Variants in MAP3K21 observed in about 807,000 individuals in gnomAD.
MAP3K21 encodes mitogen-activated protein kinase kinase kinase MLK4.
A neutral mutation model predicts 86.1 loss-of-function variants in MAP3K21; 63 were observed. The ratio of observed to expected loss-of-function variants is 0.73; its 90% CI spans 0.60 to 0.90. The LOEUF is 0.90. Among genes scored for constraint, MAP3K21 ranks in the 40% least tolerant of loss-of-function variants. The pLI, the probability that MAP3K21 is intolerant of heterozygous loss-of-function variation, is 0.00. For synonymous variants in MAP3K21, 558 were observed against 564.8 expected (o/e 0.99, Z 0.17); for missense variants, 1,220 against 1,367.7 (o/e 0.89, Z 1.70).
chr1:233,380,047 T>C (rs538870463), intron 9 of MAP3K21, among the ~76,000 whole-genome samples: 1 of 152,216 alleles, frequency 6.6e-6, no homozygotes, highest in Non-Finnish European at 1.5e-5. Context: ...GGGCTGGAAC[T>C]GAAACTGGCC....
intron 5 of MAP3K21, among the ~76,000 whole-genome samples, chr1:233,368,526 A>G (rs149638191): frequency 5.5e-4 from 83 of 149,926 alleles, no homozygotes; most frequent in Non-Finnish European, 1.0e-3. Context: ...ATAGTGGTGC[A>G]TGCCTGTAGT....
chr1:233,379,310 C>T lies in MAP3K21; in HGVS notation c.2304C>T (p.Ser768=). The T allele has an allele frequency of 6.2e-7, 1 of 1,614,182 alleles. No homozygotes were observed. Among genetic ancestry groups the T allele is most frequent in the African/African-American group, 1.3e-5 (1 of 75,038 alleles). ...KKREGIFQRA[S]KSRRSASPPT... ...GAGAGGGAATCTTCCAGCGGGCTTC[C>T]AAGTCCCGCAGAAGCGCCAGTCCTC... Residue 768 remains serine (S), a synonymous_variant, in exon 9 of 10, where the codon TCC becomes TCT. Coordinates refer to ENST00000366624, the MANE Select transcript of MAP3K21 (RefSeq NM_032435.3).
At chr1:233,329,378 G>C (rs1044949870) in intron 1 of MAP3K21, among the ~76,000 whole-genome samples, 1 of 152,194 alleles carries the variant, frequency 6.6e-6, no homozygotes, top group Admixed American at 6.5e-5. Context: ...TATGGGCCAG[G>C]CGCGGTGGCT....
chr1:233,339,384 CT>C lies in MAP3K21; in HGVS notation c.806-7056del, dbSNP rs1662989743. ...CCTTCTCCTCCTTCTCCTTCTTCTCCTTCTTCTCCTCCTTCTCCTCCTCCTC... is the reference window on the plus strand; with the variant it reads ...CCTTCTCCTCCTTCTCCTTCTTCTCCTCTTCTCCTCCTTCTCCTCCTCCTC... On this transcript the variant is annotated intron_variant, in intron 1 of 9. Coordinates refer to ENST00000366624, the MANE Select transcript of MAP3K21 (RefSeq NM_032435.3). Among the ~76,000 whole-genome samples the C allele has an allele frequency of 9.0e-5, 10 of 110,524 alleles. 1 individual carries two copies. Among genetic ancestry groups the C allele is most frequent in the Non-Finnish European group, 1.2e-4 (7 of 56,912 alleles). 72.5% of individuals were successfully genotyped at this position (110,524 alleles called of 152,430 possible).
At position 233,346,474 on chromosome 1, in the gene MAP3K21, A is replaced by G; in HGVS notation, c.838A>G (p.Ile280Val). 1 of 1,613,032 alleles carries G rather than the reference A, an allele frequency of 6.2e-7. No individual in the cohort carries two copies. The highest frequency in any genetic ancestry group is 8.5e-7 in the Non-Finnish European group (1 of 1,179,372). ...LLLEKIEHDD[I>V]CNKTLKITDF... ...ACTTGAGAAGATAGAACATGATGAC[A>G]TCTGCAATAAAACTTTGAAGATTAC... is the stretch of plus-strand genomic sequence containing the variant. Residue 280 changes from isoleucine to valine, a missense_variant, in exon 2 of 10, where the codon ATC (isoleucine) becomes GTC (valine). Physicochemically the swap from Ile to Val is conservative, Grantham distance 29. Transcript: ENST00000366624.
chr1:233,350,444 AG>A (rs1287700739), intron 2 of MAP3K21, among the ~76,000 whole-genome samples: 2 of 152,180 alleles, frequency 1.3e-5, no homozygotes, highest in African/African-American at 4.8e-5. Flanking sequence ...AAAGCAGGGC[AG>A]GTCATCTCTT....
intron 1 of MAP3K21, among the ~76,000 whole-genome samples, chr1:233,336,532 T>C (rs1351043137): frequency 1.6e-5 from 2 of 125,196 alleles, no homozygotes; most frequent in Non-Finnish European, 1.6e-5. Context: ...CAGAGCCAGA[T>C]GCCGTCAAAT....
At chr1:233,376,094 A>C (rs555861371) in intron 7 of MAP3K21, 28 bp downstream of exon 7, 1 of 1,563,118 alleles carries the variant, frequency 6.4e-7, no homozygotes, top group Non-Finnish European at 8.6e-7. Flanking sequence ...GGTGGTATTC[A>C]TTGTGTAATA....
intron 1 of MAP3K21, among the ~76,000 whole-genome samples, chr1:233,338,244 T>C (rs1263672614): frequency 6.6e-6 from 1 of 152,218 alleles, no homozygotes; most frequent in East Asian, 1.9e-4. Context: ...ATCACATCTG[T>C]TTTTTCTTTA....
intron 4 of MAP3K21, among the ~76,000 whole-genome samples, chr1:233,359,879 A>C (rs1338287060): frequency 3.9e-5 from 6 of 152,234 alleles, no homozygotes; most frequent in African/African-American, 1.4e-4. Flanking sequence ...GAATGTGTTC[A>C]AATTTATTCA....
chr1:233,339,867 A>T (rs1663005517), intron 1 of MAP3K21, among the ~76,000 whole-genome samples: 1 of 152,274 alleles, frequency 6.6e-6, no homozygotes, highest in Non-Finnish European at 1.5e-5. Context: ...TTAGCAGCTG[A>T]CTTAACATGA....
Position 233,379,414 on chromosome 1 carries a change from C to G in MAP3K21, c.2408C>G (p.Ser803Cys). ...LPLSSALGIL[S>C]TPSFSTKCLL... ...CTGTCAAGTGCCCTGGGCATCCTCT[C>G]CACACCTTCTTTCTCCACAAAGTGC... Residue 803 changes from serine to cysteine, a missense_variant, in exon 9 of 10, where the codon TCC becomes TGC. By Grantham distance (112) the Ser-to-Cys change is moderately radical. This residue lies in a region of MAP3K21 where 632 missense variants were observed against 691.3 expected (regional missense o/e 0.91). Transcript: ENST00000366624. 1 of 1,614,238 alleles carries G rather than the reference C, an allele frequency of 6.2e-7. No homozygotes were observed. Among genetic ancestry groups the G allele is most frequent in the Non-Finnish European group, 8.5e-7 (1 of 1,180,042 alleles).
At chr1:233,356,088 C>T (rs1480403184) in intron 4 of MAP3K21, among the ~76,000 whole-genome samples, 2 of 152,148 alleles carry the variant, frequency 1.3e-5, no homozygotes, top group Non-Finnish European at 2.9e-5. Flanking sequence ...GCTGAGGATC[C>T]TGTTTCCTCC....
intron 4 of MAP3K21, among the ~76,000 whole-genome samples, chr1:233,359,127 T>G (rs1663422192): frequency 6.6e-6 from 1 of 152,208 alleles, no homozygotes; most frequent in African/African-American, 2.4e-5. Flanking sequence ...TTTAACGTAT[T>G]TTAATTATTG....
At chr1:233,366,161 GAGT>G (rs1391497875) in intron 5 of MAP3K21, among the ~76,000 whole-genome samples, 1 of 152,082 alleles carries the variant, frequency 6.6e-6, no homozygotes, top group Non-Finnish European at 1.5e-5. Flanking sequence ...TGGAAATAGA[GAGT>G]AGAATTGTGG....
rs59962877 is a variant in MAP3K21, at chr1:233,361,486, A to G, written c.1312-567A>G. ...GTCTTCAACAGACTCCTAACACCTTAGCTTGATTTTCTCCCTTACTCTCTC... is the reference window on the plus strand; with the variant it reads ...GTCTTCAACAGACTCCTAACACCTTGGCTTGATTTTCTCCCTTACTCTCTC... On this transcript the variant is annotated intron_variant, in intron 4 of 9. Transcript: ENST00000366624. Among the ~76,000 whole-genome samples, 893 of 152,304 alleles carry G rather than the reference A, an allele frequency of 5.9e-3. 11 individuals carry two copies. Among genetic ancestry groups the G allele is most frequent in the African/African-American group, 0.021 (864 of 41,562 alleles).
chr1:233,329,321 C>A (rs911072338), intron 1 of MAP3K21, among the ~76,000 whole-genome samples: 1 of 152,164 alleles, frequency 6.6e-6, no homozygotes, highest in African/African-American at 2.4e-5. Context: ...AATATGACTT[C>A]ATGTCTCTTA....
chr1:233,353,950 T>C lies in MAP3K21; in HGVS notation c.1130T>C (p.Met377Thr). 3.1e-6 allele frequency: 5 copies of C among 1,602,676 alleles called. No individual in the cohort carries two copies. The highest frequency in any genetic ancestry group is 4.3e-6 in the Non-Finnish European group (5 of 1,175,258). ...TGCCCTGAGCCGTTTGCCAAGCTCATGAAAGGTATTGTGTGTGTGTGTGTG... is the reference window on the plus strand; with the variant it reads ...TGCCCTGAGCCGTTTGCCAAGCTCACGAAAGGTATTGTGTGTGTGTGTGTG... ...STCPEPFAKL[M>T]KECWQQDPHI... Residue 377 changes from methionine (M) to threonine (T), a missense_variant, in exon 3 of 10, where the codon ATG (methionine) becomes ACG (threonine). Physicochemically the swap from Met to Thr is moderately conservative, Grantham distance 81 (BLOSUM62 -1). Transcript: ENST00000366624.
chr1:233,363,328 T>G (rs763490114), intron 5 of MAP3K21, among the ~76,000 whole-genome samples: 1 of 152,202 alleles, frequency 6.6e-6, no homozygotes, highest in Non-Finnish European at 1.5e-5. Flanking sequence ...AAATATGTAT[T>G]ATGAAACACT....
Sources: allele counts gnomAD v4.1 joint callset (sites outside exome capture counted in the v4.1 genomes callset), GRCh38; gene constraint gnomAD v4.1.1; regional missense constraint gnomAD v4.1.1; transcripts MANE v1.5; gene names NCBI Gene and HGNC (gene_info 2026-07-23, HGNC 2026-07-21).